The following EEPD1 variants were observed in gnomAD, a reference collection of about 807,000 sequenced individuals.
EEPD1 encodes endonuclease/exonuclease/phosphatase family domain-containing protein 1.
A neutral mutation model predicts 46.3 loss-of-function variants in EEPD1; 17 were observed. The ratio of observed to expected loss-of-function variants is 0.37; its 90% confidence interval spans 0.25 to 0.55. The LOEUF is 0.55. EEPD1 is among the 20% of genes least tolerant of loss of function. EEPD1 has a pLI of 0.83. For synonymous variants in EEPD1, 313 were observed against 315.6 expected (o/e 0.99, Z 0.09); for missense variants, 673 against 745.6 (o/e 0.90, Z 1.13).
intron 2 of EEPD1, among the ~76,000 whole-genome samples, chr7:36,207,666 T>C (rs971257193): frequency 1.3e-5 from 2 of 152,210 alleles, no homozygotes; most frequent in African/African-American, 4.8e-5. Context: ...CAGGGTCCTT[T>C]CCTGCGTGCA....
intron 6 of EEPD1, among the ~76,000 whole-genome samples, chr7:36,293,963 C>CA (rs897525569): frequency 5.0e-4 from 65 of 131,214 alleles, no homozygotes; most frequent in Admixed American, 1.2e-3. Flanking sequence ...GACTCCATCT[C>CA]AAAAAAAAAA....
At chr7:36,218,379 G>A (rs1310345500) in intron 2 of EEPD1, among the ~76,000 whole-genome samples, 1 of 135,448 alleles carries the variant, frequency 7.4e-6, no homozygotes, top group Non-Finnish European at 1.6e-5. Context: ...ATAGGAGGGG[G>A]AGGAAGAGGA....
At chr7:36,196,796 C>G (rs1180677267) in intron 2 of EEPD1, among the ~76,000 whole-genome samples, 1 of 152,204 alleles carries the variant, frequency 6.6e-6, no homozygotes, top group African/African-American at 2.4e-5. Flanking sequence ...CCTTGGCCCC[C>G]CAAAGTGCGA....
chr7:36,196,576 T>G (rs528116131), intron 2 of EEPD1, among the ~76,000 whole-genome samples: 175 of 152,336 alleles, frequency 1.1e-3, no homozygotes, highest in African/African-American at 4.1e-3. Flanking sequence ...CACGCCTGAC[T>G]GGTTTTCCTG....
intron 2 of EEPD1, among the ~76,000 whole-genome samples, chr7:36,173,358 G>A (rs1033603389): frequency 7.9e-5 from 12 of 151,142 alleles, no homozygotes; most frequent in Non-Finnish European, 1.3e-4. Flanking sequence ...ACTTAGCTGG[G>A]TGTGGTAATG....
chr7:36,260,588 T>G lies in EEPD1; in HGVS notation c.931-20527T>G, dbSNP rs182526326. ...GACAGTTTCCTTTGTTTGAGGGGAT[T>G]TCTAAGGCATTATTTGCATAAAGTC... On this transcript the variant is annotated intron_variant, in intron 3 of 7. Coordinates refer to ENST00000242108, the MANE Select transcript of EEPD1 (RefSeq NM_030636.3). Among the ~76,000 whole-genome samples, 8 of 152,372 alleles carry G rather than the reference T, an allele frequency of 5.3e-5. No homozygotes were observed. In the East Asian group the frequency reaches 1.3e-3, roughly 26 times the overall value.
rs1268605062 is a variant in EEPD1 at position 36,243,966 on chromosome 7, GCAGCACAC to G, written c.930+4936_930+4943del. On this transcript the variant is annotated intron_variant, in intron 3 of 7. Coordinates refer to ENST00000242108, the MANE Select transcript of EEPD1 (RefSeq NM_030636.3). ...AATGCTAAATGACGAGTTAATGGGT[GCAGCACAC>G]CAGCATGGCACATGTATACATATGT... 7.9e-5 allele frequency among the ~76,000 whole-genome samples: 12 copies of G among 151,162 alleles called. No homozygotes were observed. The East Asian group carries it at 2.4e-3, about 30-fold the overall frequency.
intron 2 of EEPD1, among the ~76,000 whole-genome samples, chr7:36,232,494 A>G (rs1786351596): frequency 6.6e-6 from 1 of 151,636 alleles, no homozygotes; most frequent in Non-Finnish European, 1.5e-5. Flanking sequence ...GTGATACTGC[A>G]CCAGCCCTTG....
intron 2 of EEPD1, among the ~76,000 whole-genome samples, chr7:36,215,649 T>C (rs1786018874): frequency 6.6e-6 from 1 of 152,262 alleles, no homozygotes; most frequent in Admixed American, 6.5e-5. Flanking sequence ...CATTGCTGCC[T>C]GGGATTTTTG....
At chr7:36,155,858 C>G (rs935375990) in intron 2 of EEPD1, among the ~76,000 whole-genome samples, 2 of 152,038 alleles carry the variant, frequency 1.3e-5, no homozygotes, top group African/African-American at 4.8e-5. Context: ...CCATTTAAAC[C>G]AAAGAAAAGA....
chr7:36,177,794 A>G (rs1473380649), intron 2 of EEPD1, among the ~76,000 whole-genome samples: 2 of 151,770 alleles, frequency 1.3e-5, no homozygotes, highest in Non-Finnish European at 2.9e-5. Context: ...GCTCACTGCA[A>G]CCTCCACCTC....
chr7:36,300,531 T>G lies in EEPD1; in HGVS notation c.*1325T>G, dbSNP rs895752827. 6.6e-6 allele frequency: 1 copy of G among 152,262 alleles called. No homozygotes were observed. The highest frequency in any genetic ancestry group is 1.5e-5 in the Non-Finnish European group (1 of 68,052). The allele number at this position is 152,262 out of a possible 1,614,324, so 9.4% of individuals were successfully genotyped here. ...AAGTAAATAGTGAAAAGGTAAGTTA[T>G]GAGCTTAGATTACCTAGATTATTCC... On this transcript the variant is annotated 3_prime_UTR_variant, in exon 8 of 8. Coordinates refer to ENST00000242108, the MANE Select transcript of EEPD1 (RefSeq NM_030636.3).
chr7:36,262,914 G>A (rs1786952105), intron 3 of EEPD1, among the ~76,000 whole-genome samples: 1 of 152,140 alleles, frequency 6.6e-6, no homozygotes. Flanking sequence ...ACAACCGCCT[G>A]ACCATCACCT....
intron 2 of EEPD1, among the ~76,000 whole-genome samples, chr7:36,211,697 T>A (rs1785937526): frequency 6.6e-6 from 1 of 151,982 alleles, no homozygotes; most frequent in Admixed American, 6.6e-5. Flanking sequence ...GGCCAAGGCG[T>A]GCGGATCAAC....
intron 2 of EEPD1, among the ~76,000 whole-genome samples, chr7:36,192,660 G>A (rs766780478): frequency 6.6e-6 from 1 of 152,150 alleles, no homozygotes; most frequent in Non-Finnish European, 1.5e-5. Context: ...ACACACCTGG[G>A]TTATGAAATA....
Position 36,153,459 on chromosome 7 carries a change from C to T in EEPD1, c.-408C>T, listed in dbSNP as rs967486518. The T allele has an allele frequency of 7.2e-5, 11 of 152,216 alleles. No homozygotes were observed. The highest frequency in any genetic ancestry group is 1.4e-4 in the African/African-American group (6 of 41,454). The allele number at this position is 152,216 out of a possible 1,614,324, so 9.4% of individuals were successfully genotyped here. On this transcript the variant is annotated 5_prime_UTR_variant, in exon 1 of 8. Transcript: ENST00000242108. ...CCGCCTCCGAGCAGCCCTGCGGCTT[C>T]TATTCACTCTGGGAGAGCGATGCTA...
chr7:36,252,690 C>T lies in EEPD1; in HGVS notation c.930+13654C>T, dbSNP rs1166126520. On this transcript the variant is annotated intron_variant, in intron 3 of 7. Coordinates refer to ENST00000242108, the MANE Select transcript of EEPD1 (RefSeq NM_030636.3). Reference sequence around the variant, plus strand: ...CAGGGAGAAATGGAGGAGCTTCAGCCGCTGAGAGGAGGAACTAGCTGTTGG... The same window carrying T: ...CAGGGAGAAATGGAGGAGCTTCAGCTGCTGAGAGGAGGAACTAGCTGTTGG... Among the ~76,000 whole-genome samples the T allele has an allele frequency of 3.9e-5, 6 of 152,192 alleles. No individual in the cohort carries two copies. In the South Asian group the frequency reaches 8.3e-4, roughly 21 times the overall value.
chr7:36,198,355 A>AAAAG (rs1203216034), intron 2 of EEPD1, among the ~76,000 whole-genome samples: 2 of 109,260 alleles, frequency 1.8e-5, no homozygotes, highest in African/African-American at 3.2e-5. Flanking sequence ...AAAAAAAAAA[A>AAAAG]AAAGAAAGAT....
intron 2 of EEPD1, among the ~76,000 whole-genome samples, chr7:36,222,392 G>A (rs1786160947): frequency 6.6e-6 from 1 of 152,190 alleles, no homozygotes. Context: ...AGGAGGACAA[G>A]GAAGAGGAGG....
Sources: allele counts gnomAD v4.1 joint callset (sites outside exome capture counted in the v4.1 genomes callset), GRCh38; gene constraint gnomAD v4.1.1; transcripts MANE v1.5; gene names NCBI Gene and HGNC (gene_info 2026-07-23, HGNC 2026-07-21).